The following RTN4RL1 variants were observed in gnomAD, a reference collection of about 807,000 sequenced individuals.
RTN4RL1 encodes the protein reticulon 4 receptor like 1.
Under a neutral mutation model 25.6 loss-of-function variants are expected in RTN4RL1, and 7 were observed. That is an observed-to-expected ratio of 0.27 (90% CI 0.16 to 0.51). The LOEUF is 0.51. Among genes scored for constraint, RTN4RL1 ranks in the 20% least tolerant of loss-of-function variants. The pLI, the probability that RTN4RL1 is intolerant of heterozygous loss-of-function variation, is 0.97. For synonymous variants in RTN4RL1, 297 were observed against 288.2 expected, an observed-to-expected ratio of 1.03 and a Z score of -0.31; for missense variants, 500 against 615.6, an observed-to-expected ratio of 0.81 and a Z score of 1.99.
intron 1 of RTN4RL1, among the ~76,000 whole-genome samples, chr17:2,004,311 T>C (rs2066978760): frequency 7.8e-6 from 1 of 127,634 alleles, no homozygotes; most frequent in Non-Finnish European, 1.5e-5. Context: ...GAACTTGGAG[T>C]GAGCCGAGAT....
intron 1 of RTN4RL1, among the ~76,000 whole-genome samples, chr17:1,946,002 A>T (rs1341325414): frequency 6.6e-6 from 1 of 152,174 alleles, no homozygotes; most frequent in Non-Finnish European, 1.5e-5. Context: ...GGGTGAGAGC[A>T]GAGACTAGGC....
chr17:1,940,267 C>T (rs1343773175), intron 1 of RTN4RL1, among the ~76,000 whole-genome samples: 1 of 152,150 alleles, frequency 6.6e-6, no homozygotes, highest in African/African-American at 2.4e-5. Context: ...TAATTGGGCT[C>T]GGTTGCGAAT....
intron 1 of RTN4RL1, among the ~76,000 whole-genome samples, chr17:1,995,188 G>T (rs2066923988): frequency 1.3e-5 from 2 of 152,152 alleles, no homozygotes; most frequent in African/African-American, 4.8e-5. Flanking sequence ...GGCCAAGGGA[G>T]GCCAAGGCGG....
rs954083988 is a variant in RTN4RL1, at chr17:1,998,703, C to A, written c.13+26150G>T. ...TGCCCAAGCTGGCGCTGCCGGAGCG[C>A]CCGGGCCCCGCTCCCCTCACGGGCC... is the stretch of plus-strand genomic sequence containing the variant. On this transcript the variant is annotated intron_variant, in intron 1 of 1. Transcript: ENST00000331238. This position sits in a 1 kb window ranked among gnomAD's most constrained non-coding sequence, Gnocchi z 4.9. 3.3e-5 allele frequency among the ~76,000 whole-genome samples: 5 copies of A among 151,632 alleles called. No homozygotes were observed. Among genetic ancestry groups the A allele is most frequent in the African/African-American group, 1.2e-4 (5 of 41,124 alleles).
At chr17:2,011,463 C>T (rs1404057387) in intron 1 of RTN4RL1, among the ~76,000 whole-genome samples, 1 of 152,056 alleles carries the variant, frequency 6.6e-6, no homozygotes, top group African/African-American at 2.4e-5. Flanking sequence ...ATTGGAGGCA[C>T]CTAGCTGTGG....
chr17:2,010,821 G>T (rs910402711), intron 1 of RTN4RL1, among the ~76,000 whole-genome samples: 4 of 152,124 alleles, frequency 2.6e-5, no homozygotes, highest in Non-Finnish European at 5.9e-5. Context: ...TCCTGGGTTC[G>T]AGTGATCCTC....
rs755714456 is a variant in RTN4RL1 at position 1,994,154 on chromosome 17, T to C, written c.13+30699A>G. Among the ~76,000 whole-genome samples, 9 of 152,080 alleles carry C rather than the reference T, an allele frequency of 5.9e-5. No homozygotes were observed. Among genetic ancestry groups the C allele is most frequent in the Non-Finnish European group, 1.0e-4 (7 of 68,004 alleles). On this transcript the variant is annotated intron_variant, in intron 1 of 1. Coordinates refer to ENST00000331238, the MANE Select transcript of RTN4RL1 (RefSeq NM_178568.4). This position sits in a 1 kb window ranked among gnomAD's most constrained non-coding sequence, Gnocchi z 4.3. ...CCCCAGTCTCTGGAGTAAGATCTCATTTTGCTGCCTCTGAGAAGAGTGTGC... is the reference window on the plus strand; with the variant it reads ...CCCCAGTCTCTGGAGTAAGATCTCACTTTGCTGCCTCTGAGAAGAGTGTGC...
At position 2,024,887 on chromosome 17, in the gene RTN4RL1, C is replaced by T. The variant is rs1555523923; in HGVS notation, c.-22G>A. The T allele has an allele frequency of 6.3e-7, 1 of 1,582,638 alleles. No homozygotes were observed. The highest frequency in any genetic ancestry group is 1.2e-5 in the South Asian group (1 of 86,570). On this transcript the variant is annotated 5_prime_UTR_variant, in exon 1 of 2. Transcript: ENST00000331238. ...GCATGTTGGCCACGGGGCCGCCGCTCCGAGGTCGGCCTAGGCGCACTCCCT... is the reference window on the plus strand; with the variant it reads ...GCATGTTGGCCACGGGGCCGCCGCTTCGAGGTCGGCCTAGGCGCACTCCCT...
At chr17:1,968,257 C>T (rs926114255) in intron 1 of RTN4RL1, among the ~76,000 whole-genome samples, 5 of 152,172 alleles carry the variant, frequency 3.3e-5, no homozygotes, top group African/African-American at 7.2e-5. Context: ...AAAAGCACCC[C>T]GTCCAAACCC....
chr17:1,960,688 C>T (rs1915878188), intron 1 of RTN4RL1, among the ~76,000 whole-genome samples: 1 of 152,142 alleles, frequency 6.6e-6, no homozygotes, highest in South Asian at 2.1e-4. Context: ...AAACTCCATC[C>T]CCCTTAGCAG....
At chr17:1,999,094 TCACACACA>T (rs59609042) in intron 1 of RTN4RL1, among the ~76,000 whole-genome samples, 4 of 147,372 alleles carry the variant, frequency 2.7e-5, no homozygotes, top group East Asian at 2.1e-4. Flanking sequence ...ACATGCGCGA[TCACACACA>T]CACACACACA....
intron 1 of RTN4RL1, among the ~76,000 whole-genome samples, chr17:1,974,884 G>A (rs1006953496): frequency 2.0e-5 from 3 of 152,252 alleles, no homozygotes; most frequent in Admixed American, 6.5e-5. Flanking sequence ...GGTGCCTGAT[G>A]GAAGGGCAAA....
At chr17:2,016,496 C>T (rs563817603) in intron 1 of RTN4RL1, among the ~76,000 whole-genome samples, 46 of 152,304 alleles carry the variant, frequency 3.0e-4, no homozygotes, top group African/African-American at 1.0e-3. Context: ...CTACTGAGTC[C>T]GCCCCAGAGC....
chr17:1,967,073 A>G (rs980326089), intron 1 of RTN4RL1, among the ~76,000 whole-genome samples: 1 of 152,178 alleles, frequency 6.6e-6, no homozygotes, highest in African/African-American at 2.4e-5. Context: ...AGAAGAGGCT[A>G]AAGTGGGCAG....
At chr17:1,972,993 T>C (rs1042002507) in intron 1 of RTN4RL1, among the ~76,000 whole-genome samples, 1 of 152,210 alleles carries the variant, frequency 6.6e-6, no homozygotes, top group Non-Finnish European at 1.5e-5. Context: ...AGGTGTCATC[T>C]GTTTCTTTCT....
At chr17:2,009,975 C>T (rs1473075180) in intron 1 of RTN4RL1, among the ~76,000 whole-genome samples, 1 of 129,104 alleles carries the variant, frequency 7.7e-6, no homozygotes, top group Non-Finnish European at 1.6e-5. Context: ...CAGGAGAGCC[C>T]TCCCCAGGGA....
rs1300072970 is a variant in RTN4RL1, at chr17:1,934,777, G to C, written c.*1719C>G. The C allele has an allele frequency of 6.6e-6, 1 of 152,662 alleles. No homozygotes were observed. Among genetic ancestry groups the C allele is most frequent in the Non-Finnish European group, 1.5e-5 (1 of 68,072 alleles). 9.5% of individuals were successfully genotyped at this position (152,662 alleles called of 1,614,324 possible). A position where few individuals can be genotyped will look rare whatever the true frequency, so the allele number is the denominator to read the frequency against. The stretch of plus-strand genomic sequence containing the variant: ...ACATCCTCTCTGGTGGGGGATTCAG[G>C]TTTGTGCAAAGCACAAAGGAGCTTG... On this transcript the variant is annotated 3_prime_UTR_variant, in exon 2 of 2. Coordinates refer to ENST00000331238, the MANE Select transcript of RTN4RL1 (RefSeq NM_178568.4). The surrounding 1 kb of genome is among the most constrained non-coding windows in gnomAD (Gnocchi z 4.0).
At chr17:2,024,797 C>T in intron 1 of RTN4RL1, 56 bp downstream of exon 1, 1 of 1,531,720 alleles carries the variant, frequency 6.5e-7, no homozygotes. Flanking sequence ...CGCCCGGGCT[C>T]GCGGCTCTTT....
At chr17:1,993,040 C>T (rs1047466189) in intron 1 of RTN4RL1, among the ~76,000 whole-genome samples, 5 of 151,952 alleles carry the variant, frequency 3.3e-5, no homozygotes, top group South Asian at 2.1e-4. Flanking sequence ...GTCAGCAGTT[C>T]GAGACCAGCC....
Sources: allele counts gnomAD v4.1 joint callset (sites outside exome capture counted in the v4.1 genomes callset), GRCh38; gene constraint gnomAD v4.1.1; non-coding constraint Gnocchi (gnomAD v3.1); transcripts MANE v1.5; gene names NCBI Gene and HGNC (gene_info 2026-07-23, HGNC 2026-07-21).